COG5: variants seen among roughly 807,000 people sequenced by gnomAD.
COG5 encodes the protein conserved oligomeric Golgi complex subunit 5.
In COG5, 86 loss-of-function variants were observed where a neutral mutation model predicts 110.4. That is an observed-to-expected ratio of 0.78 (90% CI 0.65 to 0.93). The LOEUF is 0.93. Among genes scored for constraint, COG5 ranks in the 40% least tolerant of loss-of-function variants. The pLI, the probability that COG5 is intolerant of heterozygous loss-of-function variation, is 0.00. For synonymous variants in COG5, 360 were observed against 334.6 expected, an observed-to-expected ratio of 1.08 and a Z score of -0.83; for missense variants, 1,077 against 987.0, an observed-to-expected ratio of 1.09 and a Z score of -1.22.
At chr7:107,458,840 CAG>C (rs1206948829) in intron 6 of COG5, among the ~76,000 whole-genome samples, 1 of 151,854 alleles carries the variant, frequency 6.6e-6, no homozygotes, top group African/African-American at 2.4e-5. Context: ...GCCTAGGCAA[CAG>C]AGTGAGAATT....
At chr7:107,451,656 G>T (rs370725315) in intron 6 of COG5, among the ~76,000 whole-genome samples, 18 of 151,988 alleles carry the variant, frequency 1.2e-4, no homozygotes, top group South Asian at 6.3e-4. Context: ...CTCCTCAGCC[G>T]ACTCAACATG....
chr7:107,434,625 A>G (rs181398445), intron 6 of COG5, among the ~76,000 whole-genome samples: 1 of 152,278 alleles, frequency 6.6e-6, no homozygotes, highest in Admixed American at 6.6e-5. Flanking sequence ...AAAAAGATAA[A>G]AAGAAAAAGA....
chr7:107,219,594 TACC>T (rs1799761282), intron 19 of COG5, among the ~76,000 whole-genome samples: 1 of 152,078 alleles, frequency 6.6e-6, no homozygotes, highest in African/African-American at 2.4e-5. Flanking sequence ...GAAACACAAA[TACC>T]ACATGGTCTC....
At chr7:107,505,815 C>T (rs550106297) in intron 6 of COG5, among the ~76,000 whole-genome samples, 2 of 152,276 alleles carry the variant, frequency 1.3e-5, no homozygotes, top group South Asian at 2.1e-4. Context: ...AACAGGTGTC[C>T]CTAAGGGCAA....
intron 19 of COG5, among the ~76,000 whole-genome samples, chr7:107,223,319 G>A (rs894655977): frequency 6.6e-6 from 1 of 152,190 alleles, no homozygotes; most frequent in Non-Finnish European, 1.5e-5. Context: ...GCATTTCTAT[G>A]GAGATTCTTT....
chr7:107,400,789 CACA>C (rs889952518), intron 7 of COG5, among the ~76,000 whole-genome samples: 15 of 152,084 alleles, frequency 9.9e-5, no homozygotes, highest in Middle Eastern at 6.8e-3. Flanking sequence ...GTGGATTGTT[CACA>C]ACAAGAGAAT....
At chr7:107,244,681 A>AGAGTAG (rs1390232629) in intron 17 of COG5, among the ~76,000 whole-genome samples, 1 of 152,158 alleles carries the variant, frequency 6.6e-6, no homozygotes, top group Non-Finnish European at 1.5e-5. Flanking sequence ...CTCTAAACCC[A>AGAGTAG]AAAAGTAGAA....
chr7:107,210,325 A>G (rs919296757), intron 21 of COG5: 81 of 1,430,264 alleles, frequency 5.7e-5, no homozygotes, highest in Non-Finnish European at 7.2e-5. Flanking sequence ...GTTTGGAATG[A>G]AAGAAAGCAA....
intron 6 of COG5, among the ~76,000 whole-genome samples, chr7:107,488,828 C>T (rs1443237678): frequency 6.6e-6 from 1 of 151,930 alleles, no homozygotes; most frequent in Non-Finnish European, 1.5e-5. Flanking sequence ...ACCTGGGCAA[C>T]AGAGTAAGAC....
In COG5 at chr7:107,469,206, A is replaced by G. The variant is rs77334045; in HGVS notation, c.539-56574T>C. 5.6e-3 allele frequency among the ~76,000 whole-genome samples: 846 copies of G among 151,986 alleles called. 11 individuals carry two copies. Among genetic ancestry groups the G allele is most frequent in the African/African-American group, 0.02 (815 of 41,480 alleles). ...TATTTTACTAACAATATTAGCGTGT[A>G]GCTACATATCATATTTAAGAAACAG... On this transcript the variant is annotated intron_variant, in intron 6 of 21. Coordinates refer to ENST00000297135, the MANE Select transcript of COG5 (RefSeq NM_006348.5).
At chr7:107,264,226 A>T (rs1584592312) in intron 14 of COG5, among the ~76,000 whole-genome samples, 1 of 151,960 alleles carries the variant, frequency 6.6e-6, no homozygotes, top group African/African-American at 2.4e-5. Flanking sequence ...ACAAATCTCT[A>T]AGACTTGACC....
chr7:107,296,111 A>G (rs1451036466), intron 12 of COG5, among the ~76,000 whole-genome samples: 1 of 148,642 alleles, frequency 6.7e-6, no homozygotes, highest in Non-Finnish European at 1.5e-5. Flanking sequence ...CCTTCCTCAC[A>G]CAGTGACCTA....
chr7:107,354,820 T>TA (rs1420967010), intron 10 of COG5, among the ~76,000 whole-genome samples: 1 of 152,244 alleles, frequency 6.6e-6, no homozygotes, highest in East Asian at 1.9e-4. Context: ...CCTCATCTGA[T>TA]ATTTGAGATT....
intron 12 of COG5, among the ~76,000 whole-genome samples, chr7:107,288,514 G>A (rs1376881065): frequency 6.6e-6 from 1 of 152,052 alleles, no homozygotes; most frequent in African/African-American, 2.4e-5. Context: ...CCTAGGGGGC[G>A]TGACATAGTG....
intron 14 of COG5, among the ~76,000 whole-genome samples, chr7:107,279,264 C>A (rs985921372): frequency 6.6e-6 from 1 of 151,954 alleles, no homozygotes; most frequent in Non-Finnish European, 1.5e-5. Flanking sequence ...GTCAGAATGG[C>A]GATCATTAAA....
chr7:107,513,022 G>C (rs1326223576), intron 6 of COG5, among the ~76,000 whole-genome samples: 1 of 152,022 alleles, frequency 6.6e-6, no homozygotes, highest in Non-Finnish European at 1.5e-5. Context: ...AAAAGCAATG[G>C]CAACAAAAGA....
At chr7:107,411,086 G>A (rs1792256426) in intron 7 of COG5, among the ~76,000 whole-genome samples, 1 of 152,224 alleles carries the variant, frequency 6.6e-6, no homozygotes, top group Admixed American at 6.5e-5. Context: ...AGACACAAAA[G>A]GATTAGGAGA....
chr7:107,366,713 G>A (rs747076128), intron 8 of COG5, among the ~76,000 whole-genome samples: 3 of 151,970 alleles, frequency 2.0e-5, no homozygotes, highest in Non-Finnish European at 2.9e-5. Flanking sequence ...ATGGTAGATG[G>A]GACCCTCCAT....
chr7:107,424,753 A>C (rs1793533095), intron 6 of COG5, among the ~76,000 whole-genome samples: 1 of 152,198 alleles, frequency 6.6e-6, no homozygotes, highest in South Asian at 2.1e-4. Context: ...CAGAATTATA[A>C]ACCAGGCTGT....
Sources: gnomAD v4.1 joint callset for allele counts (sites outside exome capture counted in the v4.1 genomes callset) on GRCh38, gnomAD v4.1.1 for gene constraint, MANE v1.5 for transcripts, NCBI Gene and HGNC (gene_info 2026-07-23, HGNC 2026-07-21) for gene names.